The following SDK1 variants were observed in gnomAD, a reference collection of about 807,000 sequenced individuals.
SDK1 encodes protein sidekick-1.
A neutral mutation model predicts 245.5 loss-of-function variants in SDK1; 157 were observed. That is an observed-to-expected ratio of 0.64 (90% CI 0.56 to 0.73). The LOEUF (loss-of-function observed/expected upper bound fraction) is 0.73. Among genes scored for constraint, SDK1 ranks in the 30% least tolerant of loss-of-function variants. SDK1 has a pLI of 0.00. For missense variants in SDK1, 3,583 were observed against 3,002.3 expected, an observed-to-expected ratio of 1.19 and a Z score of -4.52; for synonymous variants, 1,647 against 1,278.5, an observed-to-expected ratio of 1.29 and a Z score of -6.15.
intron 4 of SDK1, among the ~76,000 whole-genome samples, chr7:3,698,149 A>C (rs2115003468): frequency 6.6e-6 from 1 of 152,282 alleles, no homozygotes; most frequent in South Asian, 2.1e-4. Context: ...GGCAGCTTAG[A>C]ATGACAGAAA....
intron 19 of SDK1, among the ~76,000 whole-genome samples, chr7:4,063,289 A>G (rs1562751601): frequency 6.6e-6 from 1 of 152,232 alleles, no homozygotes; most frequent in East Asian, 1.9e-4. Flanking sequence ...AATCAGTAGC[A>G]TTTCTATAAA....
intron 1 of SDK1, among the ~76,000 whole-genome samples, chr7:3,371,133 C>T (rs990924172): frequency 2.6e-5 from 4 of 152,168 alleles, no homozygotes; most frequent in East Asian, 1.9e-4. Context: ...GTTATCCTGC[C>T]TCCACATGCA....
At chr7:3,979,779 C>T (rs938967237) in intron 13 of SDK1, among the ~76,000 whole-genome samples, 2 of 152,176 alleles carry the variant, frequency 1.3e-5, no homozygotes, top group African/African-American at 2.4e-5. Flanking sequence ...TCATATTCCC[C>T]AAAGCATCTT....
intron 14 of SDK1, among the ~76,000 whole-genome samples, chr7:3,991,129 A>C (rs1213858753): frequency 6.6e-6 from 1 of 152,300 alleles, no homozygotes; most frequent in East Asian, 1.9e-4. Context: ...GACTGTATAG[A>C]AGGCAAGTCA....
chr7:3,698,530 A>T (rs1032007206), intron 4 of SDK1, among the ~76,000 whole-genome samples: 1 of 152,182 alleles, frequency 6.6e-6, no homozygotes, highest in Non-Finnish European at 1.5e-5. Context: ...GTGGAGGCGT[A>T]TAAGGAGCAG....
intron 13 of SDK1, chr7:3,974,775 G>C: frequency 2.1e-6 from 1 of 472,156 alleles, no homozygotes; most frequent in East Asian, 3.6e-5. Flanking sequence ...GTGATCATTG[G>C]TTTTTATTTC....
At chr7:3,895,341 G>T (rs1471297170) in intron 5 of SDK1, among the ~76,000 whole-genome samples, 1 of 152,182 alleles carries the variant, frequency 6.6e-6, no homozygotes, top group Non-Finnish European at 1.5e-5. Flanking sequence ...GGCTGCCTCA[G>T]GGCCCATTCC....
intron 14 of SDK1, among the ~76,000 whole-genome samples, chr7:3,999,285 C>T (rs6950410): frequency 0.3 from 45,377 of 152,102 alleles, 7,267 homozygotes; most frequent in African/African-American, 0.4. Flanking sequence ...CTGCAAATTG[C>T]GCATCCACTC....
At chr7:3,712,366 A>T (rs1785073998) in intron 4 of SDK1, among the ~76,000 whole-genome samples, 1 of 152,168 alleles carries the variant, frequency 6.6e-6, no homozygotes, top group Non-Finnish European at 1.5e-5. Context: ...TCACCCCCAG[A>T]TGGGACTGTC....
At chr7:3,956,465 C>T (rs1325381077) in intron 7 of SDK1, among the ~76,000 whole-genome samples, 2 of 152,152 alleles carry the variant, frequency 1.3e-5, no homozygotes, top group Non-Finnish European at 2.9e-5. Context: ...TGGGGAAGTA[C>T]TAAGGGAAGC....
At chr7:3,388,956 G>A (rs1015780045) in intron 1 of SDK1, among the ~76,000 whole-genome samples, 2 of 152,138 alleles carry the variant, frequency 1.3e-5, no homozygotes, top group Non-Finnish European at 2.9e-5. Context: ...AATAGCAGCC[G>A]TGATACCTGC....
chr7:3,655,448 A>C (rs1339317528), intron 4 of SDK1, among the ~76,000 whole-genome samples: 1 of 66,336 alleles, frequency 1.5e-5, no homozygotes, highest in South Asian at 6.0e-4. Flanking sequence ...AAACAAAACA[A>C]ATATATATAT....
At chr7:3,977,635 T>C (rs770958231) in intron 13 of SDK1, among the ~76,000 whole-genome samples, 1 of 152,360 alleles carries the variant, frequency 6.6e-6, no homozygotes, top group South Asian at 2.1e-4. Flanking sequence ...CAGTAGCACT[T>C]CCTGCGGTTC....
chr7:3,566,762 T>G (rs906776539), intron 1 of SDK1, among the ~76,000 whole-genome samples: 9 of 124,956 alleles, frequency 7.2e-5, no homozygotes, highest in African/African-American at 2.4e-4. Flanking sequence ...AGGAGAAAAA[T>G]AAGAGATATG....
chr7:3,309,745 G>GA (rs1294468590), intron 1 of SDK1, among the ~76,000 whole-genome samples: 1 of 152,074 alleles, frequency 6.6e-6, no homozygotes, highest in Non-Finnish European at 1.5e-5. Context: ...CCTTTAAAAG[G>GA]AAGAGATACA....
intron 1 of SDK1, among the ~76,000 whole-genome samples, chr7:3,425,260 T>C (rs1583837983): frequency 6.6e-6 from 1 of 152,110 alleles, no homozygotes; most frequent in Non-Finnish European, 1.5e-5. Context: ...TGGCACTGAT[T>C]TACACTTTTA....
intron 1 of SDK1, among the ~76,000 whole-genome samples, chr7:3,537,123 C>G (rs1309971132): frequency 6.6e-6 from 1 of 152,322 alleles, no homozygotes; most frequent in African/African-American, 2.4e-5. Flanking sequence ...TGTTATCCCT[C>G]TTAAATCAGT....
In SDK1 at chr7:4,255,443, G is replaced by A. The variant is rs1433396411; in HGVS notation, c.6381+9638G>A. Among the ~76,000 whole-genome samples, 2 of 152,214 alleles carry A rather than the reference G, an allele frequency of 1.3e-5. 1 individual carries two copies. Among genetic ancestry groups the A allele is most frequent in the Admixed American group, 1.3e-4 (2 of 15,280 alleles). On this transcript the variant is annotated intron_variant, in intron 44 of 44. Transcript: ENST00000404826. ...CTACACAAGTGGGGCACTGGGTTGAGAGGGCAGTCCCTGGACTTTTGGGCC... is the reference window on the plus strand; with the variant it reads ...CTACACAAGTGGGGCACTGGGTTGAAAGGGCAGTCCCTGGACTTTTGGGCC...
intron 1 of SDK1, among the ~76,000 whole-genome samples, chr7:3,312,790 A>G (rs1267659673): frequency 6.6e-6 from 1 of 152,198 alleles, no homozygotes; most frequent in Non-Finnish European, 1.5e-5. Flanking sequence ...GCTTCCAGAA[A>G]GAGGAAATAG....
Sources: gnomAD v4.1 joint callset for allele counts (sites outside exome capture counted in the v4.1 genomes callset) on GRCh38, gnomAD v4.1.1 for gene constraint, MANE v1.5 for transcripts, NCBI Gene and HGNC (gene_info 2026-07-23, HGNC 2026-07-21) for gene names.